FHAD1: variants seen among roughly 807,000 people sequenced by gnomAD.
FHAD1 encodes forkhead associated phosphopeptide binding domain 1.
In FHAD1, 146 loss-of-function variants were observed where a neutral mutation model predicts 191.3. The ratio of observed to expected loss-of-function variants is 0.76; its 90% CI spans 0.67 to 0.88. FHAD1 has a LOEUF of 0.88. FHAD1 is among the 40% of genes least tolerant of loss of function. The probability of loss-of-function intolerance (pLI) is 0.00; values close to 1 mark genes in which losing one functional copy is unlikely to be tolerated. For missense variants in FHAD1, 1,635 were observed against 1,785.8 expected (o/e 0.92, Z 1.52); for synonymous variants, 616 against 672.3 (o/e 0.92, Z 1.29).
At chr1:15,239,503 G>A (rs1303536104) in intron 1 of FHAD1, among the ~76,000 whole-genome samples, 1 of 152,158 alleles carries the variant, frequency 6.6e-6, no homozygotes, top group Non-Finnish European at 1.5e-5. Context: ...CAGGGGAATC[G>A]CTTGAACCTG....
At chr1:15,250,670 T>C (rs1261251208) in intron 1 of FHAD1, among the ~76,000 whole-genome samples, 1 of 152,172 alleles carries the variant, frequency 6.6e-6, no homozygotes, top group African/African-American at 2.4e-5. Flanking sequence ...GCCTCTCCAA[T>C]GATAACTCTT....
At chr1:15,261,558 G>A (rs1045101601) in intron 2 of FHAD1, among the ~76,000 whole-genome samples, 3 of 152,056 alleles carry the variant, frequency 2.0e-5, no homozygotes, top group African/African-American at 7.2e-5. Flanking sequence ...ATTCTGGGGA[G>A]CTCTCAGAGA....
chr1:15,289,763 A>C lies in FHAD1; in HGVS notation c.568+97A>C. ...TACTTTCTGATTCTAAAAGTAGAACATATTCAATTGTAAAAAATGAAAATA... is the reference window on the plus strand; with the variant it reads ...TACTTTCTGATTCTAAAAGTAGAACCTATTCAATTGTAAAAAATGAAAATA... On this transcript the variant is annotated intron_variant, in intron 4 of 33. Coordinates refer to ENST00000688493, the MANE Select transcript of FHAD1 (RefSeq NM_001391957.1). This position sits in a 1 kb window ranked among gnomAD's most constrained non-coding sequence, Gnocchi z 4.2. 6 of 1,412,040 alleles carry C rather than the reference A, an allele frequency of 4.2e-6. No individual in the cohort carries two copies. Among genetic ancestry groups the C allele is most frequent in the Non-Finnish European group, 5.6e-6 (6 of 1,071,666 alleles). 87.5% of individuals were successfully genotyped at this position (1,412,040 alleles called of 1,614,324 possible).
At chr1:15,255,362 C>G (rs1647501334) in intron 2 of FHAD1, among the ~76,000 whole-genome samples, 2 of 152,068 alleles carry the variant, frequency 1.3e-5, no homozygotes, top group Admixed American at 1.3e-4. Flanking sequence ...AGAAAGCAAA[C>G]TGTAAAGAAG....
intron 2 of FHAD1, among the ~76,000 whole-genome samples, chr1:15,258,464 A>G (rs542563020): frequency 1.1e-4 from 16 of 152,184 alleles, no homozygotes; most frequent in African/African-American, 3.4e-4. Flanking sequence ...TGGCTGCTGC[A>G]TGTCTGTCCT....
rs188658907 is a variant in FHAD1 at position 15,267,426 on chromosome 1, G to A, written c.94-4897G>A. Among the ~76,000 whole-genome samples the A allele has an allele frequency of 7.9e-5, 12 of 152,258 alleles. No homozygotes were observed. In the East Asian group the frequency reaches 2.3e-3, roughly 29 times the overall value. ...GCTTCTAGTTTTCCTTTCTTGTAAT[G>A]TCTTTATCTTGATTGGGTATTCAGG... On this transcript the variant is annotated intron_variant, in intron 2 of 33. Coordinates refer to ENST00000688493, the MANE Select transcript of FHAD1 (RefSeq NM_001391957.1).
At chr1:15,359,958 A>G (rs1452880595) in intron 21 of FHAD1, among the ~76,000 whole-genome samples, 3 of 151,474 alleles carry the variant, frequency 2.0e-5, no homozygotes, top group Admixed American at 6.6e-5. Flanking sequence ...TCAAGAAAAA[A>G]AAAAATTAGC....
In FHAD1 at chr1:15,349,081, A is replaced by G. The variant is rs536829029; in HGVS notation, c.2386A>G (p.Lys796Glu). Reference protein sequence around the residue: ...SSIAHEKRKAKEALESEKRKV... With the variant: ...SSIAHEKRKAEEALESEKRKV... The stretch of plus-strand genomic sequence containing the variant: ...CATAGCCCATGAAAAAAGAAAAGCA[A>G]AGGAAGCCTTGGAGTCGGAAAAGAG... The change falls in exon 19 of 34, where the codon AAG (lysine) becomes GAG (glutamate). Residue 796 changes from lysine to glutamate, a missense_variant. Transcript: ENST00000688493. 2 of 1,551,780 alleles carry G rather than the reference A, an allele frequency of 1.3e-6. No individual in the cohort carries two copies. The highest frequency in any genetic ancestry group is 1.4e-5 in the African/African-American group (1 of 73,140).
At chr1:15,384,515 C>A (rs1469641149) in intron 31 of FHAD1, 1 of 152,288 alleles carries the variant, frequency 6.6e-6, no homozygotes, top group African/African-American at 2.4e-5. Flanking sequence ...CTAAAAAGCC[C>A]ATTGTCATGC....
At chr1:15,362,414 G>A (rs1695099319) in intron 22 of FHAD1, among the ~76,000 whole-genome samples, 1 of 152,214 alleles carries the variant, frequency 6.6e-6, no homozygotes, top group African/African-American at 2.4e-5. Flanking sequence ...TTCCCTGTCT[G>A]TAAGTGGATT....
At chr1:15,299,138 T>C (rs1227122175) in intron 5 of FHAD1, among the ~76,000 whole-genome samples, 1 of 138,928 alleles carries the variant, frequency 7.2e-6, no homozygotes, top group Non-Finnish European at 1.5e-5. Context: ...GGATCAAGGC[T>C]GCAGTGAGCT....
chr1:15,337,996 G>A (rs868828314), intron 14 of FHAD1, among the ~76,000 whole-genome samples: 9 of 152,106 alleles, frequency 5.9e-5, no homozygotes, highest in Non-Finnish European at 8.8e-5. Flanking sequence ...TCAAGCCGAC[G>A]GTTTCAGGAG....
intron 3 of FHAD1, among the ~76,000 whole-genome samples, chr1:15,288,992 T>C (rs964239908): frequency 5.3e-5 from 8 of 152,042 alleles, no homozygotes; most frequent in African/African-American, 1.9e-4. Flanking sequence ...TTTTTTTGTT[T>C]GTTTATTTTT....
At chr1:15,290,970 T>C (rs1664503262) in intron 4 of FHAD1, among the ~76,000 whole-genome samples, 1 of 152,042 alleles carries the variant, frequency 6.6e-6, no homozygotes, top group Non-Finnish European at 1.5e-5. Flanking sequence ...CACCTCGGCC[T>C]CCCAAAGTGC....
chr1:15,386,224 C>T (rs186107987), intron 31 of FHAD1, among the ~76,000 whole-genome samples: 134 of 152,360 alleles, frequency 8.8e-4, no homozygotes, highest in Non-Finnish European at 1.2e-3. Context: ...AGAGCAAGCT[C>T]AGTTACTCGG....
chr1:15,236,984 G>C (rs1291689109), intron 1 of FHAD1, among the ~76,000 whole-genome samples: 2 of 152,124 alleles, frequency 1.3e-5, no homozygotes, highest in Non-Finnish European at 2.9e-5. Flanking sequence ...TTTATAAGGG[G>C]CTTTCCCCTT....
chr1:15,314,122 C>G (rs972617229), intron 8 of FHAD1, among the ~76,000 whole-genome samples: 3 of 150,908 alleles, frequency 2.0e-5, no homozygotes, highest in Non-Finnish European at 4.4e-5. Flanking sequence ...AAATGTACCT[C>G]AATGCTCTGA....
At chr1:15,395,796 ATTT>A (rs35262234) in intron 33 of FHAD1, among the ~76,000 whole-genome samples, 18 of 150,326 alleles carry the variant, frequency 1.2e-4, no homozygotes, top group African/African-American at 4.4e-4. Context: ...TTATGGGATA[ATTT>A]TTTTTTTAGC....
At chr1:15,393,511 G>T (rs1320580915) in intron 33 of FHAD1, among the ~76,000 whole-genome samples, 1 of 151,918 alleles carries the variant, frequency 6.6e-6, no homozygotes, top group Non-Finnish European at 1.5e-5. Context: ...ATTCTCAGGG[G>T]GCGAGGTTGA....
Sources: allele counts gnomAD v4.1 joint callset (sites outside exome capture counted in the v4.1 genomes callset), GRCh38; gene constraint gnomAD v4.1.1; non-coding constraint Gnocchi (gnomAD v3.1); transcripts MANE v1.5; gene names NCBI Gene and HGNC (gene_info 2026-07-23, HGNC 2026-07-21).